Variants in CTNNA2 observed in about 807,000 individuals in gnomAD.
The protein encoded by CTNNA2 is catenin alpha-2.
CTNNA2 carries 42 observed loss-of-function variants against 101.0 expected under a neutral mutation model. The ratio of observed to expected loss-of-function variants is 0.42; its 90% CI spans 0.32 to 0.54. The LOEUF is 0.54. CTNNA2 is among the 20% of genes least tolerant of loss of function. The pLI is 0.14. For synonymous variants in CTNNA2, 450 were observed against 456.4 expected, an observed-to-expected ratio of 0.99 and a Z score of 0.18; for missense variants, 871 against 1,223.1, an observed-to-expected ratio of 0.71 and a Z score of 4.29.
At chr2:79,264,448 A>G (rs898979929) in intron 2 of CTNNA2, among the ~76,000 whole-genome samples, 13 of 152,176 alleles carry the variant, frequency 8.5e-5, no homozygotes, top group Admixed American at 6.6e-4. Flanking sequence ...TTAATAAATG[A>G]TTGAGCAAAT....
intron 1 of CTNNA2, among the ~76,000 whole-genome samples, chr2:79,552,383 G>A (rs1674163468): frequency 1.3e-5 from 2 of 152,162 alleles, no homozygotes; most frequent in African/African-American, 4.8e-5. Flanking sequence ...TCCACCGGTT[G>A]GCATTGAGTG....
intron 3 of CTNNA2, among the ~76,000 whole-genome samples, chr2:79,767,124 A>G (rs957435946): frequency 2.0e-5 from 3 of 151,904 alleles, no homozygotes; most frequent in Non-Finnish European, 4.4e-5. Context: ...CAATTATGCA[A>G]TTAAAAGACT....
intron 7 of CTNNA2, among the ~76,000 whole-genome samples, chr2:79,919,103 C>G (rs916305062): frequency 1.3e-5 from 2 of 152,112 alleles, no homozygotes; most frequent in African/African-American, 4.8e-5. Flanking sequence ...TCTTGGTAGC[C>G]TTCTATGCCA....
At chr2:80,043,173 CCTTCCTTCCTTTCTTT>C (rs1483777473) in intron 7 of CTNNA2, among the ~76,000 whole-genome samples, 18 of 79,886 alleles carry the variant, frequency 2.3e-4, no homozygotes, top group African/African-American at 1.3e-3. Context: ...TTCCTTCCTT[CCTTCCTTCCTTTCTTT>C]CTTTCTTTCT....
intron 6 of CTNNA2, among the ~76,000 whole-genome samples, chr2:79,877,664 C>CAA (rs1483910460): frequency 6.6e-6 from 1 of 152,098 alleles, no homozygotes; most frequent in African/African-American, 2.4e-5. Context: ...AAAACTCACT[C>CAA]AAACTTCCTG....
intron 7 of CTNNA2, among the ~76,000 whole-genome samples, chr2:80,368,365 T>C (rs1286108869): frequency 1.3e-5 from 2 of 152,168 alleles, no homozygotes; most frequent in East Asian, 1.9e-4. Flanking sequence ...TTAGTAGTAA[T>C]AGGGTGCATG....
At chr2:80,011,553 C>T (rs1693785641) in intron 7 of CTNNA2, among the ~76,000 whole-genome samples, 1 of 151,870 alleles carries the variant, frequency 6.6e-6, no homozygotes, top group South Asian at 2.1e-4. Flanking sequence ...CATTCTAGCG[C>T]TAGTTCTGCC....
intron 7 of CTNNA2, chr2:80,029,439 C>G (rs562422733): frequency 6.6e-6 from 1 of 152,290 alleles, no homozygotes; most frequent in African/African-American, 2.4e-5. Context: ...GGAGACCTCA[C>G]ACTGACTCCC....
chr2:79,795,298 A>T (rs1448707316), intron 3 of CTNNA2, among the ~76,000 whole-genome samples: 1 of 152,100 alleles, frequency 6.6e-6, no homozygotes, highest in Non-Finnish European at 1.5e-5. Flanking sequence ...TTCTTACGTA[A>T]TTTGTGTTGT....
chr2:80,150,053 C>T (rs1703596753), intron 7 of CTNNA2, among the ~76,000 whole-genome samples: 2 of 152,170 alleles, frequency 1.3e-5, no homozygotes, highest in Admixed American at 1.3e-4. Context: ...GCCCTCTGCA[C>T]ATCTTCTCAG....
At chr2:79,455,264 T>A (rs1325734152) in intron 4 of CTNNA2, among the ~76,000 whole-genome samples, 1 of 152,202 alleles carries the variant, frequency 6.6e-6, no homozygotes, top group Non-Finnish European at 1.5e-5. Flanking sequence ...TAGTTTGGGA[T>A]GTTGCTAAAT....
chr2:79,982,306 A>C (rs1490336522), intron 7 of CTNNA2, among the ~76,000 whole-genome samples: 2 of 135,598 alleles, frequency 1.5e-5, no homozygotes, highest in African/African-American at 6.3e-5. Context: ...ACATATATAA[A>C]ACATATATAA....
intron 9 of CTNNA2, among the ~76,000 whole-genome samples, chr2:80,486,740 T>A (rs1054221994): frequency 6.6e-6 from 1 of 152,208 alleles, no homozygotes; most frequent in Non-Finnish European, 1.5e-5. Context: ...CTATTTACCC[T>A]TTGTCCAACT....
chr2:79,734,312 AG>A (rs1361528609), intron 2 of CTNNA2, among the ~76,000 whole-genome samples: 2 of 152,144 alleles, frequency 1.3e-5, no homozygotes, highest in African/African-American at 4.8e-5. Flanking sequence ...AGGATAACCT[AG>A]GTTGGCAATA....
chr2:79,645,157 A>G (rs1484960239), intron 1 of CTNNA2, among the ~76,000 whole-genome samples: 1 of 151,626 alleles, frequency 6.6e-6, no homozygotes, highest in Non-Finnish European at 1.5e-5. Flanking sequence ...TAATTTTTGT[A>G]TTTTTTGTTG....
chr2:80,383,356 T>G (rs1676689267), intron 7 of CTNNA2, among the ~76,000 whole-genome samples: 1 of 152,186 alleles, frequency 6.6e-6, no homozygotes, highest in Non-Finnish European at 1.5e-5. Context: ...GGACCATCCA[T>G]CTTTCTATCA....
intron 3 of CTNNA2, among the ~76,000 whole-genome samples, chr2:79,832,280 G>A (rs754235812): frequency 3.3e-5 from 5 of 152,132 alleles, no homozygotes; most frequent in Non-Finnish European, 7.4e-5. Flanking sequence ...GAAACAATAC[G>A]TGATTAATTT....
intron 12 of CTNNA2, among the ~76,000 whole-genome samples, chr2:80,557,960 T>G (rs1486834427): frequency 6.6e-6 from 1 of 152,158 alleles, no homozygotes; most frequent in Non-Finnish European, 1.5e-5. Flanking sequence ...TTGCAATGAT[T>G]GAGCACTCTG....
intron 1 of CTNNA2, chr2:79,649,438 C>A (rs1422118983): frequency 6.5e-6 from 1 of 154,756 alleles, no homozygotes; most frequent in Non-Finnish European, 1.5e-5. Flanking sequence ...TCTCAGGGAA[C>A]TTCTCCAGAA....
Sources: gnomAD v4.1 joint callset for allele counts (sites outside exome capture counted in the v4.1 genomes callset) on GRCh38, gnomAD v4.1.1 for gene constraint, MANE v1.5 for transcripts, NCBI Gene and HGNC (gene_info 2026-07-23, HGNC 2026-07-21) for gene names.